Variants in DLG2 observed in about 807,000 individuals in gnomAD.
DLG2 encodes discs large MAGUK scaffold protein 2, also known as disks large homolog 2.
Under a neutral mutation model 132.5 loss-of-function variants are expected in DLG2, and 45 were observed. The ratio of observed to expected loss-of-function variants is 0.34; its 90% CI spans 0.27 to 0.44. The LOEUF is 0.44. DLG2 is among the 20% of genes least tolerant of loss of function. The pLI, the probability that DLG2 is intolerant of heterozygous loss-of-function variation, is 1.00. For synonymous variants in DLG2, 424 were observed against 419.6 expected (o/e 1.01, Z -0.13); for missense variants, 1,045 against 1,196.9 (o/e 0.87, Z 1.87).
chr11:84,177,706 G>C (rs1473095407), intron 8 of DLG2, among the ~76,000 whole-genome samples: 1 of 152,134 alleles, frequency 6.6e-6, no homozygotes, highest in East Asian at 1.9e-4. Flanking sequence ...ATCTGCCTCA[G>C]TTTTCTGATC....
chr11:84,198,331 T>C (rs911435381), intron 8 of DLG2, among the ~76,000 whole-genome samples: 2 of 152,164 alleles, frequency 1.3e-5, no homozygotes, highest in Non-Finnish European at 2.9e-5. Flanking sequence ...GTAACAAAGT[T>C]AGAGCTTATA....
At chr11:84,567,132 A>G (rs1363509598) in intron 6 of DLG2, among the ~76,000 whole-genome samples, 1 of 152,176 alleles carries the variant, frequency 6.6e-6, no homozygotes, top group Non-Finnish European at 1.5e-5. Flanking sequence ...GCTATGGGGT[A>G]TAAATGCTAG....
At position 84,604,026 on chromosome 11, in the gene DLG2, C is replaced by T. The variant is rs553907053; in HGVS notation, c.358-69295G>A. ...CTACACAAGGGATCATCATCATCAT[C>T]ATCCTAATATGTAATAAGCTGCTAC... On this transcript the variant is annotated intron_variant, in intron 6 of 27. Coordinates refer to ENST00000376104, the MANE Select transcript of DLG2 (RefSeq NM_001142699.3). Among the ~76,000 whole-genome samples, 3 of 152,122 alleles carry T rather than the reference C, an allele frequency of 2.0e-5. No individual in the cohort carries two copies. In the East Asian group the frequency reaches 5.8e-4, roughly 29 times the overall value.
chr11:83,636,828 A>G (rs190815104), intron 18 of DLG2, among the ~76,000 whole-genome samples: 2 of 152,316 alleles, frequency 1.3e-5, no homozygotes, highest in East Asian at 1.9e-4. Flanking sequence ...AAATTCCCCA[A>G]AATGAATGAT....
chr11:84,302,596 T>C (rs1217025571), intron 7 of DLG2, among the ~76,000 whole-genome samples: 2 of 152,196 alleles, frequency 1.3e-5, no homozygotes, highest in Admixed American at 1.3e-4. Flanking sequence ...AAGTTGTTAC[T>C]ACATTAACTG....
At chr11:84,657,322 T>C (rs547563765) in intron 6 of DLG2, among the ~76,000 whole-genome samples, 1 of 152,180 alleles carries the variant, frequency 6.6e-6, no homozygotes, top group Admixed American at 6.5e-5. Context: ...GGGGCTTTGA[T>C]GGAATGACTA....
At chr11:85,333,512 G>T (rs1001517009) in intron 3 of DLG2, among the ~76,000 whole-genome samples, 1 of 152,094 alleles carries the variant, frequency 6.6e-6, no homozygotes, top group Non-Finnish European at 1.5e-5. Context: ...TCTTGTTCCA[G>T]TTCTCAGAGG....
intron 3 of DLG2, among the ~76,000 whole-genome samples, chr11:85,377,803 A>ATATATATATATATATATATATATGTG (rs35141583): frequency 1.5e-5 from 2 of 131,292 alleles, no homozygotes; most frequent in Non-Finnish European, 3.2e-5. Flanking sequence ...ATATATATAT[A>ATATATATATATATATATATATATGTG]TGTGTGTGTG....
chr11:83,959,506 C>A (rs551137098), intron 14 of DLG2, among the ~76,000 whole-genome samples: 3 of 152,186 alleles, frequency 2.0e-5, no homozygotes, highest in African/African-American at 7.2e-5. Context: ...AAGTAGGTCT[C>A]AAACATAAGC....
intron 17 of DLG2, among the ~76,000 whole-genome samples, chr11:83,827,815 C>T (rs1018731298): frequency 1.2e-4 from 19 of 152,140 alleles, no homozygotes; most frequent in African/African-American, 4.3e-4. Context: ...CCTGAGGAGG[C>T]GACTGCACTA....
intron 11 of DLG2, among the ~76,000 whole-genome samples, chr11:83,986,459 T>A (rs917267738): frequency 6.6e-6 from 1 of 150,898 alleles, no homozygotes; most frequent in Non-Finnish European, 1.5e-5. Flanking sequence ...CAGTCTATCA[T>A]TGTTGGACAT....
At position 83,467,648 on chromosome 11, in the gene DLG2, G is replaced by A. The variant is rs184981972; in HGVS notation, c.2620-831C>T. ...ACCTGTAATCCCAGCTACTTGAGAGGCTGAGGCAGGAGAATCACTTGAACC... is the reference window on the plus strand; with the variant it reads ...ACCTGTAATCCCAGCTACTTGAGAGACTGAGGCAGGAGAATCACTTGAACC... On this transcript the variant is annotated intron_variant, in intron 25 of 27. Transcript: ENST00000376104. Among the ~76,000 whole-genome samples the A allele has an allele frequency of 6.3e-3, 954 of 151,548 alleles. 7 individuals carry two copies. Among genetic ancestry groups the A allele is most frequent in the African/African-American group, 0.022 (904 of 41,304 alleles).
intron 6 of DLG2, among the ~76,000 whole-genome samples, chr11:84,914,042 T>A (rs1437840134): frequency 6.6e-6 from 1 of 152,336 alleles, no homozygotes; most frequent in East Asian, 1.9e-4. Flanking sequence ...AAAAATGAAT[T>A]AGACACTTTT....
intron 3 of DLG2, among the ~76,000 whole-genome samples, chr11:85,474,082 A>G (rs2153080218): frequency 6.6e-6 from 1 of 152,212 alleles, no homozygotes; most frequent in South Asian, 2.1e-4. Flanking sequence ...ATGTACCTAA[A>G]GTATAACAAT....
intron 19 of DLG2, among the ~76,000 whole-genome samples, chr11:83,557,951 A>T (rs2096547916): frequency 2.6e-5 from 4 of 152,160 alleles, no homozygotes; most frequent in African/African-American, 9.7e-5. Flanking sequence ...GCCTTTTTCA[A>T]TTTTATTTAA....
At chr11:83,850,916 C>T (rs1318966151) in intron 16 of DLG2, among the ~76,000 whole-genome samples, 1 of 152,244 alleles carries the variant, frequency 6.6e-6, no homozygotes, top group Non-Finnish European at 1.5e-5. Context: ...GTGGCTCACA[C>T]CTGTAATCCC....
chr11:84,148,376 T>C (rs918645043), intron 9 of DLG2, among the ~76,000 whole-genome samples: 2 of 152,020 alleles, frequency 1.3e-5, no homozygotes, highest in African/African-American at 4.8e-5. Flanking sequence ...CCTTCCCTCC[T>C]TCCCTCTCCC....
chr11:84,956,482 A>G (rs1182555179), intron 6 of DLG2, among the ~76,000 whole-genome samples: 2 of 152,212 alleles, frequency 1.3e-5, no homozygotes, highest in African/African-American at 4.8e-5. Context: ...ATGAATACCC[A>G]TTATCATTTC....
chr11:83,758,182 C>T (rs2093732431), intron 18 of DLG2, among the ~76,000 whole-genome samples: 2 of 152,172 alleles, frequency 1.3e-5, no homozygotes, highest in South Asian at 4.1e-4. Flanking sequence ...ACTCTGTGTG[C>T]CTCTGCTAGA....
Sources: allele counts gnomAD v4.1 joint callset (sites outside exome capture counted in the v4.1 genomes callset), GRCh38; gene constraint gnomAD v4.1.1; transcripts MANE v1.5; gene names NCBI Gene and HGNC (gene_info 2026-07-23, HGNC 2026-07-21).